Variants in ZNF804A observed in about 807,000 individuals in gnomAD.
ZNF804A encodes zinc finger protein 804A.
A neutral mutation model predicts 16.5 loss-of-function variants in ZNF804A; 2 were observed. That is an observed-to-expected ratio of 0.12 (90% CI 0.05 to 0.38). The LOEUF (loss-of-function observed/expected upper bound fraction) is 0.38. Ranked by LOEUF, ZNF804A falls within the 10% of genes least tolerant of loss-of-function variation. The probability of loss-of-function intolerance (pLI) is 0.99; values close to 1 mark genes in which losing one functional copy is unlikely to be tolerated. For missense variants in ZNF804A, 1,473 were observed against 1,390.7 expected (o/e 1.06, Z -0.94); for synonymous variants, 534 against 489.6 (o/e 1.09, Z -1.20).
At chr2:184,646,115 G>A (rs1255777225) in intron 1 of ZNF804A, among the ~76,000 whole-genome samples, 1 of 152,150 alleles carries the variant, frequency 6.6e-6, no homozygotes, top group African/African-American at 2.4e-5. Flanking sequence ...TACATACAAA[G>A]TCAGCCACTT....
At chr2:184,774,040 C>T (rs1694254400) in intron 1 of ZNF804A, among the ~76,000 whole-genome samples, 1 of 151,836 alleles carries the variant, frequency 6.6e-6, no homozygotes, top group East Asian at 1.9e-4. Context: ...CTGTCCTCCA[C>T]AGTTATTTAT....
chr2:184,688,981 G>T (rs376652512), intron 1 of ZNF804A, among the ~76,000 whole-genome samples: 20 of 152,090 alleles, frequency 1.3e-4, no homozygotes, highest in East Asian at 1.2e-3. Flanking sequence ...GAAGCAAACA[G>T]ATATGTATCT....
At chr2:184,781,343 A>C (rs1458347592) in intron 1 of ZNF804A, among the ~76,000 whole-genome samples, 1 of 151,742 alleles carries the variant, frequency 6.6e-6, no homozygotes, top group Non-Finnish European at 1.5e-5. Flanking sequence ...ATAAGGAAAA[A>C]TAAGCTATAC....
intron 1 of ZNF804A, among the ~76,000 whole-genome samples, chr2:184,666,066 A>G (rs913074997): frequency 6.6e-6 from 1 of 152,194 alleles, no homozygotes; most frequent in Non-Finnish European, 1.5e-5. Context: ...ATAACACCAC[A>G]AATTGAAAAT....
At chr2:184,708,740 A>C (rs558299552) in intron 1 of ZNF804A, among the ~76,000 whole-genome samples, 6 of 152,148 alleles carry the variant, frequency 3.9e-5, no homozygotes, top group Non-Finnish European at 4.4e-5. Flanking sequence ...ATCTCTATAA[A>C]TATATACACT....
At chr2:184,928,656 C>A (rs1037024007) in intron 2 of ZNF804A, among the ~76,000 whole-genome samples, 3 of 152,054 alleles carry the variant, frequency 2.0e-5, no homozygotes, top group African/African-American at 7.2e-5. Context: ...TTATTTAGAG[C>A]CCCAGAGCCC....
intron 1 of ZNF804A, among the ~76,000 whole-genome samples, chr2:184,650,531 C>T (rs928151368): frequency 3.7e-4 from 57 of 152,060 alleles, no homozygotes; most frequent in African/African-American, 1.2e-3. Context: ...TCTCACTTCA[C>T]GGATGATATA....
chr2:184,771,188 C>T (rs1001381908), intron 1 of ZNF804A, among the ~76,000 whole-genome samples: 2 of 151,938 alleles, frequency 1.3e-5, no homozygotes, highest in Non-Finnish European at 2.9e-5. Context: ...TAACTATGTG[C>T]TTTTAAAATA....
At chr2:184,690,820 T>C (rs529289873) in intron 1 of ZNF804A, among the ~76,000 whole-genome samples, 119 of 152,206 alleles carry the variant, frequency 7.8e-4, no homozygotes, top group African/African-American at 2.7e-3. Context: ...AATATCACTC[T>C]TGTATTCTGT....
chr2:184,868,310 G>A (rs141058559), intron 2 of ZNF804A, among the ~76,000 whole-genome samples: 16 of 152,100 alleles, frequency 1.1e-4, no homozygotes, highest in African/African-American at 2.9e-4. Flanking sequence ...ATAATAGTGC[G>A]TCTTTGAGCG....
chr2:184,619,655 C>T (rs1261789699), intron 1 of ZNF804A, among the ~76,000 whole-genome samples: 2 of 151,844 alleles, frequency 1.3e-5, no homozygotes, highest in Non-Finnish European at 2.9e-5. Context: ...TTATTACCTC[C>T]ATTTTATGGA....
intron 1 of ZNF804A, among the ~76,000 whole-genome samples, chr2:184,600,033 A>T (rs1691021479): frequency 6.6e-6 from 1 of 152,176 alleles, no homozygotes; most frequent in Non-Finnish European, 1.5e-5. Flanking sequence ...CAATATGAAA[A>T]TGTATGATTC....
At position 184,916,624 on chromosome 2, in the gene ZNF804A, T is replaced by C. The variant is rs1480000567; in HGVS notation, c.256-16979T>C. 2.6e-5 allele frequency among the ~76,000 whole-genome samples: 4 copies of C among 152,000 alleles called. No homozygotes were observed. In the East Asian group the frequency reaches 5.8e-4, roughly 22 times the overall value. The stretch of plus-strand genomic sequence containing the variant: ...CAGCACTTTGGGAGGCCAAGGCGGG[T>C]GGATCATGAGGTCAAGAGATGGAGA... On this transcript the variant is annotated intron_variant, in intron 2 of 3. Transcript: ENST00000302277.
intron 1 of ZNF804A, among the ~76,000 whole-genome samples, chr2:184,733,070 G>A: frequency 1.3e-5 from 2 of 152,112 alleles, no homozygotes; most frequent in East Asian, 3.8e-4. Context: ...ATATAGAAAA[G>A]GAGGAGTTAC....
intron 1 of ZNF804A, among the ~76,000 whole-genome samples, chr2:184,863,156 T>C (rs1163148755): frequency 6.6e-6 from 1 of 152,114 alleles, no homozygotes; most frequent in Non-Finnish European, 1.5e-5. Flanking sequence ...TACTCTTCTG[T>C]CTTTTTTATG....
At chr2:184,810,365 T>C (rs561149153) in intron 1 of ZNF804A, among the ~76,000 whole-genome samples, 2 of 152,278 alleles carry the variant, frequency 1.3e-5, no homozygotes, top group Admixed American at 6.5e-5. Flanking sequence ...CTGGCACCAG[T>C]GCACACATTT....
At chr2:184,827,114 T>C (rs1264320157) in intron 1 of ZNF804A, among the ~76,000 whole-genome samples, 1 of 151,858 alleles carries the variant, frequency 6.6e-6, no homozygotes, top group Non-Finnish European at 1.5e-5. Flanking sequence ...GCAGAGGTCC[T>C]ACATGAGTTA....
intron 2 of ZNF804A, among the ~76,000 whole-genome samples, chr2:184,913,645 G>A (rs917458747): frequency 6.6e-6 from 1 of 152,072 alleles, no homozygotes; most frequent in African/African-American, 2.4e-5. Context: ...TGATCATTCA[G>A]TTCCTGTAAA....
In ZNF804A at chr2:184,936,660, T is replaced by C; in HGVS notation, c.1264T>C (p.Cys422Arg). The C allele has an allele frequency of 6.2e-7, 1 of 1,614,008 alleles. No individual in the cohort carries two copies. Residue 422 changes from cysteine (C) to arginine (R), a missense_variant, in exon 4 of 4, where the codon TGT (cysteine) becomes CGT (arginine). Physicochemically the swap from Cys to Arg is radical, Grantham distance 180 (BLOSUM62 -3). Coordinates refer to ENST00000302277, the MANE Select transcript of ZNF804A (RefSeq NM_194250.2). ...GAAAACAAATTTCTGCAAAAGACAA[T>C]GTGAGCCATTTGTACCTGTCCTTAA... ...HKKTNFCKRQ[C>R]EPFVPVLNKH... is the part of the protein sequence containing the mutation.
Sources: allele counts gnomAD v4.1 joint callset (sites outside exome capture counted in the v4.1 genomes callset), GRCh38; gene constraint gnomAD v4.1.1; transcripts MANE v1.5; gene names NCBI Gene and HGNC (gene_info 2026-07-23, HGNC 2026-07-21).